The following PXDNL variants were observed in gnomAD, a reference collection of about 807,000 sequenced individuals.
The protein encoded by PXDNL is probable oxidoreductase PXDNL.
In PXDNL, 145 loss-of-function variants were observed where a neutral mutation model predicts 150.8. The observed-to-expected ratio is 0.96, with a 90% confidence interval of 0.84 to 1.10. The LOEUF is 1.10. Among genes scored for constraint, PXDNL ranks in the 50% least tolerant of loss-of-function variants. The pLI, the probability that PXDNL is intolerant of heterozygous loss-of-function variation, is 0.00. For missense variants in PXDNL, 2,087 were observed against 1,873.9 expected, an observed-to-expected ratio of 1.11 and a Z score of -2.10; for synonymous variants, 757 against 725.7, an observed-to-expected ratio of 1.04 and a Z score of -0.69.
At chr8:51,622,357 G>A (rs1396580926) in intron 2 of PXDNL, among the ~76,000 whole-genome samples, 2 of 152,174 alleles carry the variant, frequency 1.3e-5, no homozygotes, top group Non-Finnish European at 2.9e-5. Flanking sequence ...ACAGAACTGT[G>A]AGCTAATAAA....
Position 51,320,033 on chromosome 8 carries a change from G to A in PXDNL, c.4261-11C>T, listed in dbSNP as rs781138433. 3 of 1,462,480 alleles carry A rather than the reference G, an allele frequency of 2.1e-6. No individual in the cohort carries two copies. The highest frequency in any genetic ancestry group is 5.0e-5 in the Admixed American group (2 of 39,782). 90.6% of individuals were successfully genotyped at this position (1,462,480 alleles called of 1,614,324 possible). ...GGTGACCTGGCCACTCTGAAAGGCA[G>A]CATGCACATATCACCTCCATGTTTC... is the stretch of plus-strand genomic sequence containing the variant. On this transcript the variant is annotated splice_polypyrimidine_tract_variant and intron_variant, in intron 22 of 22. Coordinates refer to ENST00000356297, the MANE Select transcript of PXDNL (RefSeq NM_144651.5).
At chr8:51,526,211 C>T (rs1047004514) in intron 4 of PXDNL, among the ~76,000 whole-genome samples, 27 of 152,052 alleles carry the variant, frequency 1.8e-4, no homozygotes, top group Non-Finnish European at 3.7e-4. Flanking sequence ...ATGGGGCTGG[C>T]GAGGCAGGTA....
chr8:51,762,390 G>T (rs2037175294), intron 1 of PXDNL, among the ~76,000 whole-genome samples: 1 of 152,094 alleles, frequency 6.6e-6, no homozygotes, highest in Admixed American at 6.5e-5. Context: ...CCTAGATCCA[G>T]GAGATAATCA....
chr8:51,688,799 A>G (rs1441298520), intron 1 of PXDNL, among the ~76,000 whole-genome samples: 1 of 152,190 alleles, frequency 6.6e-6, no homozygotes, highest in African/African-American at 2.4e-5. Context: ...GGGCATGCAT[A>G]TTTTTTAAAA....
chr8:51,764,117 C>T (rs2037198544), intron 1 of PXDNL, among the ~76,000 whole-genome samples: 1 of 152,086 alleles, frequency 6.6e-6, no homozygotes, highest in Non-Finnish European at 1.5e-5. Context: ...CTTATAATCC[C>T]TTTTATTTCT....
chr8:51,398,519 T>C (rs1175907345), intron 17 of PXDNL, among the ~76,000 whole-genome samples: 2 of 152,138 alleles, frequency 1.3e-5, no homozygotes, highest in Admixed American at 1.3e-4. Context: ...GCTTGCCAAG[T>C]CTTAACAGAA....
At chr8:51,378,804 T>C (rs1225269165) in intron 17 of PXDNL, among the ~76,000 whole-genome samples, 1 of 152,144 alleles carries the variant, frequency 6.6e-6, no homozygotes, top group African/African-American at 2.4e-5. Context: ...GCTTCACTCC[T>C]GAAGCCAGCA....
intron 4 of PXDNL, among the ~76,000 whole-genome samples, chr8:51,515,274 C>A (rs1811511428): frequency 6.6e-6 from 1 of 152,082 alleles, no homozygotes; most frequent in South Asian, 2.1e-4. Context: ...AGGGGGAGAT[C>A]ATCCACAGAC....
At chr8:51,327,527 G>T (rs75677399) in intron 21 of PXDNL, among the ~76,000 whole-genome samples, 4,792 of 152,208 alleles carry the variant, frequency 0.031, 241 homozygotes, top group African/African-American at 0.11. Context: ...AACTACATAA[G>T]CTTGAACTAT....
At chr8:51,530,031 T>C (rs1250397472) in intron 4 of PXDNL, among the ~76,000 whole-genome samples, 2 of 152,160 alleles carry the variant, frequency 1.3e-5, no homozygotes, top group African/African-American at 4.8e-5. Context: ...GAAGCACTCA[T>C]CTAGGCCAAG....
At chr8:51,364,431 G>A (rs1176009128) in intron 19 of PXDNL, among the ~76,000 whole-genome samples, 4 of 152,184 alleles carry the variant, frequency 2.6e-5, no homozygotes, top group African/African-American at 9.7e-5. Flanking sequence ...ATTGATGTGG[G>A]TAGCTTTTTC....
chr8:51,465,674 A>G (rs1810190122), intron 8 of PXDNL, among the ~76,000 whole-genome samples: 1 of 152,154 alleles, frequency 6.6e-6, no homozygotes, highest in African/African-American at 2.4e-5. Flanking sequence ...AAAGCCTCCT[A>G]GAACTGATAA....
intron 1 of PXDNL, among the ~76,000 whole-genome samples, chr8:51,704,668 C>T (rs903905346): frequency 5.3e-5 from 8 of 152,160 alleles, no homozygotes; most frequent in Middle Eastern, 3.2e-3. Context: ...TAATTTTAGC[C>T]AATGTGGAGG....
intron 1 of PXDNL, among the ~76,000 whole-genome samples, chr8:51,747,812 TA>T (rs1322820455): frequency 3.3e-5 from 5 of 152,160 alleles, no homozygotes; most frequent in African/African-American, 1.2e-4. Context: ...ATTGAAGCAA[TA>T]AAAGATTTGT....
At chr8:51,799,624 T>C (rs1413237840) in intron 1 of PXDNL, among the ~76,000 whole-genome samples, 1 of 152,208 alleles carries the variant, frequency 6.6e-6, no homozygotes, top group East Asian at 1.9e-4. Flanking sequence ...TTCTCAACAC[T>C]GCAACAGCTT....
intron 17 of PXDNL, among the ~76,000 whole-genome samples, chr8:51,398,834 T>C (rs190320238): frequency 6.6e-6 from 1 of 152,218 alleles, no homozygotes; most frequent in Admixed American, 6.5e-5. Context: ...GTTTAATTTA[T>C]CAGAAAAGGA....
At chr8:51,772,758 A>T in intron 1 of PXDNL, among the ~76,000 whole-genome samples, 2 of 152,180 alleles carry the variant, frequency 1.3e-5, no homozygotes, top group Admixed American at 1.3e-4. Context: ...TGTCCTGCAA[A>T]GGTCAGGGGC....
chr8:51,370,564 C>T (rs1807069748), intron 19 of PXDNL, among the ~76,000 whole-genome samples: 1 of 152,158 alleles, frequency 6.6e-6, no homozygotes, highest in Admixed American at 6.5e-5. Context: ...TTCCTTTTTG[C>T]TGTGTCCGAT....
intron 4 of PXDNL, among the ~76,000 whole-genome samples, chr8:51,512,936 C>CTCTCA (rs10655584): frequency 0.96 from 145,712 of 152,102 alleles, 70,102 homozygotes; most frequent in East Asian, 1. Context: ...CTCCCACCAA[C>CTCTCA]AGGGGCAAGC....
Sources: allele counts gnomAD v4.1 joint callset (sites outside exome capture counted in the v4.1 genomes callset), GRCh38; gene constraint gnomAD v4.1.1; transcripts MANE v1.5; gene names NCBI Gene and HGNC (gene_info 2026-07-23, HGNC 2026-07-21).